The following SLFN14 variants were observed in gnomAD, a reference collection of about 807,000 sequenced individuals.
SLFN14 encodes the protein schlafen family member 14, also known as protein SLFN14.
A neutral mutation model predicts 58.6 loss-of-function variants in SLFN14; 47 were observed. The observed-to-expected ratio is 0.80, with a 90% CI of 0.64 to 1.02. The LOEUF (loss-of-function observed/expected upper bound fraction) is 1.02. Ranked by LOEUF, SLFN14 falls within the 50% of genes least tolerant of loss-of-function variation. The probability of loss-of-function intolerance (pLI) is 0.00; values close to 1 mark genes in which losing one functional copy is unlikely to be tolerated. For missense variants in SLFN14, 967 were observed against 1,078.4 expected (o/e 0.90, Z 1.45); for synonymous variants, 390 against 387.3 (o/e 1.01, Z -0.08).
In SLFN14 at chr17:35,547,991, G is replaced by A; in HGVS notation, c.*248C>T. ...GATGGATGACAGCTGGATTGAGTGG[G>A]AAAGCTGGAGACAGGGGACTAATGA... On this transcript the variant is annotated 3_prime_UTR_variant, in exon 6 of 6. Transcript: ENST00000674182. 1 of 504,956 alleles carries A rather than the reference G, an allele frequency of 2.0e-6. No individual in the cohort carries two copies. The highest frequency in any genetic ancestry group is 3.5e-6 in the Non-Finnish European group (1 of 282,524). 31.3% of individuals were successfully genotyped at this position (504,956 alleles called of 1,614,324 possible). A position where few individuals can be genotyped will look rare whatever the true frequency, so the allele number is the denominator to read the frequency against.
Position 35,553,439 on chromosome 17 carries a change from G to T in SLFN14, c.1195C>A (p.Gln399Lys), listed in dbSNP as rs919934942. The T allele has an allele frequency of 1.4e-5, 21 of 1,531,824 alleles. No individual in the cohort carries two copies. Among genetic ancestry groups the T allele is most frequent in the Middle Eastern group, 3.4e-4 (2 of 5,906 alleles). The allele number at this position is 1,531,824 out of a possible 1,614,324, so 94.9% of individuals were successfully genotyped here. A position where few individuals can be genotyped will look rare whatever the true frequency, so the allele number is the denominator to read the frequency against. ...TCTGGTTTAAATTGTACCTCTTCCT[G>T]TGTCACTGAAAATTCAAGGAATAGA... is the stretch of plus-strand genomic sequence containing the variant. ...ALQRHLFPVT[Q>K]EEVQFKPESL... Residue 399 changes from glutamine (Q) to lysine (K), a missense_variant, in exon 5 of 6, where the codon CAG (glutamine) becomes AAG (lysine). Physicochemically the swap from Gln to Lys is moderately conservative, Grantham distance 53 (BLOSUM62 1). Coordinates refer to ENST00000674182, the MANE Select transcript of SLFN14 (RefSeq NM_001129820.2).
At chr17:35,549,167 A>C in intron 5 of SLFN14, 94 bp from the exon 6 acceptor site, 4 of 962,138 alleles carry the variant, frequency 4.2e-6, no homozygotes, top group Non-Finnish European at 6.2e-6. Flanking sequence ...GCTGATTCTC[A>C]TCTGCAGGCT....
intron 5 of SLFN14, among the ~76,000 whole-genome samples, chr17:35,551,721 C>T (rs559810905): frequency 3.9e-5 from 6 of 152,284 alleles, no homozygotes; most frequent in South Asian, 4.1e-4. Context: ...ACTTGCTAGC[C>T]GCCGAAAGAG....
chr17:35,545,366 C>T lies in SLFN14; in HGVS notation c.*2873G>A, dbSNP rs2072526271. Among the ~76,000 whole-genome samples the T allele has an allele frequency of 6.6e-6, 1 of 152,178 alleles. No homozygotes were observed. Among genetic ancestry groups the T allele is most frequent in the Admixed American group, 6.5e-5 (1 of 15,274 alleles). ...AGGGGAAATAAGGATGTGTAAGTGACTCATCCTCTTACTCTCAAGGAGCTC... is the reference window on the plus strand; with the variant it reads ...AGGGGAAATAAGGATGTGTAAGTGATTCATCCTCTTACTCTCAAGGAGCTC... On this transcript the variant is annotated 3_prime_UTR_variant, in exon 6 of 6. Coordinates refer to ENST00000674182, the MANE Select transcript of SLFN14 (RefSeq NM_001129820.2).
rs573862627 is a variant in SLFN14, at chr17:35,548,971, G to C, written c.2007C>G (p.Ser669Arg). The change falls in exon 6 of 6, where the codon AGC becomes AGG. Residue 669 changes from serine (S) to arginine (R), a missense_variant. Transcript: ENST00000674182. The stretch of plus-strand genomic sequence containing the variant: ...CCTTCATGTACCAATTGCCATATTT[G>C]CTGCAGAAATTCTCAGTCTCATCCA... ...IVMDETENFC[S>R]KYGNWYMKAK... 325 of 1,551,658 alleles carry C rather than the reference G, an allele frequency of 2.1e-4. 7 individuals are homozygous for C. In the South Asian group the frequency reaches 3.4e-3, roughly 16 times the overall value.
At chr17:35,549,528 C>A (rs2072565552) in intron 5 of SLFN14, among the ~76,000 whole-genome samples, 1 of 152,198 alleles carries the variant, frequency 6.6e-6, no homozygotes. Flanking sequence ...AGTTCAAATT[C>A]CTCTAAAGCT....
chr17:35,546,733 A>G lies in SLFN14; in HGVS notation c.*1506T>C, dbSNP rs561752325. Among the ~76,000 whole-genome samples, 1 of 152,362 alleles carries G rather than the reference A, an allele frequency of 6.6e-6. No homozygotes were observed. Among genetic ancestry groups the G allele is most frequent in the East Asian group, 1.9e-4 (1 of 5,192 alleles). ...TCTAATATGTATCATATACATTGGAAAGTTTCACTTAGGGAGATAATAAAA... is the reference window on the plus strand; with the variant it reads ...TCTAATATGTATCATATACATTGGAGAGTTTCACTTAGGGAGATAATAAAA... On this transcript the variant is annotated 3_prime_UTR_variant, in exon 6 of 6. Transcript: ENST00000674182.
chr17:35,545,255 A>C lies in SLFN14; in HGVS notation c.*2984T>G, dbSNP rs1164714671. Among the ~76,000 whole-genome samples the C allele has an allele frequency of 6.6e-6, 1 of 152,196 alleles. No homozygotes were observed. On this transcript the variant is annotated 3_prime_UTR_variant, in exon 6 of 6. Coordinates refer to ENST00000674182, the MANE Select transcript of SLFN14 (RefSeq NM_001129820.2). ...ATACTATCGAATTGAATCATTGTAG[A>C]TTCTAGTTTTCTAAAAGCTACAAGT... is the stretch of plus-strand genomic sequence containing the variant.
chr17:35,551,622 C>T (rs1008821251), intron 5 of SLFN14, among the ~76,000 whole-genome samples: 2 of 152,138 alleles, frequency 1.3e-5, no homozygotes, highest in African/African-American at 4.8e-5. Context: ...TAAATGGTGA[C>T]ATGGAACGGG....
At chr17:35,556,469 C>T (rs979785409) in intron 3 of SLFN14, among the ~76,000 whole-genome samples, 3 of 152,098 alleles carry the variant, frequency 2.0e-5, no homozygotes, top group African/African-American at 7.2e-5. Flanking sequence ...TTGCTGATGG[C>T]ATACTGTAAC....
Position 35,557,325 on chromosome 17 carries a change from C to T in SLFN14, c.738G>A (p.Gly246=). ...ANTQGGYVLI[G]VDDKSKEVVG... ...CCACTTCTTTGCTCTTATCATCCAC[C>T]CCAATGAGGACATATCCCCCTTGAG... Residue 246 remains glycine, a synonymous_variant, in exon 3 of 6, where the codon GGG becomes GGA. Coordinates refer to ENST00000674182, the MANE Select transcript of SLFN14 (RefSeq NM_001129820.2). 2 of 1,551,662 alleles carry T rather than the reference C, an allele frequency of 1.3e-6. No homozygotes were observed. Among genetic ancestry groups the T allele is most frequent in the Non-Finnish European group, 1.7e-6 (2 of 1,146,980 alleles).
intron 1 of SLFN14, among the ~76,000 whole-genome samples, chr17:35,560,264 T>A (rs2072687740): frequency 6.6e-6 from 1 of 152,264 alleles, no homozygotes; most frequent in South Asian, 2.1e-4. Context: ...ATAACAATTA[T>A]GATAAATACA....
Position 35,546,879 on chromosome 17 carries a change from C to T in SLFN14, c.*1360G>A, listed in dbSNP as rs1364747847. Among the ~76,000 whole-genome samples the T allele has an allele frequency of 6.6e-6, 1 of 152,078 alleles. No individual in the cohort carries two copies. The highest frequency in any genetic ancestry group is 2.4e-5 in the African/African-American group (1 of 41,380). On this transcript the variant is annotated 3_prime_UTR_variant, in exon 6 of 6. Coordinates refer to ENST00000674182, the MANE Select transcript of SLFN14 (RefSeq NM_001129820.2). ...AATGGCACAGGCACAGACCAGGAGTCGGGGATGTGTGTGGGTGGTGTTGGT... is the reference window on the plus strand; with the variant it reads ...AATGGCACAGGCACAGACCAGGAGTTGGGGATGTGTGTGGGTGGTGTTGGT...
In SLFN14 at chr17:35,544,688, C is replaced by T. The variant is rs943956214; in HGVS notation, c.*3551G>A. ...GGATTACAGGCATGCGCCACCATGC[C>T]CAGCTAATTTTGTATTTTTAGTGGA... On this transcript the variant is annotated 3_prime_UTR_variant, in exon 6 of 6. Coordinates refer to ENST00000674182, the MANE Select transcript of SLFN14 (RefSeq NM_001129820.2). Among the ~76,000 whole-genome samples the T allele has an allele frequency of 6.6e-6, 1 of 152,004 alleles. No individual in the cohort carries two copies. Among genetic ancestry groups the T allele is most frequent in the African/African-American group, 2.4e-5 (1 of 41,388 alleles).
At position 35,552,923 on chromosome 17, in the gene SLFN14, G is replaced by A. The variant is rs1299328471; in HGVS notation, c.1711C>T (p.Leu571Phe). The change falls in exon 5 of 6, where the codon CTC becomes TTC. Residue 571 changes from leucine to phenylalanine, a missense_variant. Transcript: ENST00000674182. ...AGCAACTGGCTCTGCTCCATTATGA[G>A]CAAGTTGAAAAATTCACAGCCCATC... ...DQMGCEFFNLLIMEQSQLLSE... is the reference protein window; with the variant it reads ...DQMGCEFFNLFIMEQSQLLSE... 8 of 1,551,420 alleles carry A rather than the reference G, an allele frequency of 5.2e-6. No individual in the cohort carries two copies. Among genetic ancestry groups the A allele is most frequent in the East Asian group, 2.4e-5 (1 of 40,922 alleles).
rs1384714345 is a variant in SLFN14 at position 35,557,020 on chromosome 17, A to G, written c.1043T>C (p.Met348Thr). The G allele has an allele frequency of 6.4e-7, 1 of 1,551,346 alleles. No individual in the cohort carries two copies. The highest frequency in any genetic ancestry group is 2.0e-5 in the Admixed American group (1 of 50,980). Reference protein sequence around the residue: ...RLTAEQWVVMMLDTQSAPPSL... With the variant: ...RLTAEQWVVMTLDTQSAPPSL... ...CCCTTTACCTGACTGAGTATCCAGC[A>G]TCATGACCACCCACTGCTCAGCTGT... Residue 348 changes from methionine to threonine, a missense_variant, in exon 3 of 6, where the codon ATG becomes ACG. Coordinates refer to ENST00000674182, the MANE Select transcript of SLFN14 (RefSeq NM_001129820.2).
rs561737318 is a variant in SLFN14, at chr17:35,553,484, AG to A, written c.1190-41del. The A allele has an allele frequency of 1.9e-4, 281 of 1,441,966 alleles. No homozygotes were observed. The East Asian group carries it at 5.6e-3, about 29-fold the overall frequency. 89.3% of individuals were successfully genotyped at this position (1,441,966 alleles called of 1,614,324 possible). Reference sequence around the variant, plus strand: ...AATAGATGTTACCAAAACTTACAAAAGCATGTGGTAAGTATTCCTGCAACGT... The same window carrying A: ...AATAGATGTTACCAAAACTTACAAAACATGTGGTAAGTATTCCTGCAACGT... On this transcript the variant is annotated intron_variant, in intron 4 of 5. Transcript: ENST00000674182.
At chr17:35,551,527 G>T (rs1027664786) in intron 5 of SLFN14, among the ~76,000 whole-genome samples, 1 of 152,096 alleles carries the variant, frequency 6.6e-6, no homozygotes, top group Non-Finnish European at 1.5e-5. Flanking sequence ...TTTTGTTATC[G>T]GAGCAGGAGT....
In SLFN14 at chr17:35,548,109, T is replaced by C. The variant is rs1390232761; in HGVS notation, c.*130A>G. 1.1e-6 allele frequency: 1 copy of C among 897,168 alleles called. No homozygotes were observed. The highest frequency in any genetic ancestry group is 1.6e-6 in the Non-Finnish European group (1 of 607,594). 55.6% of individuals were successfully genotyped at this position (897,168 alleles called of 1,614,324 possible). A position where few individuals can be genotyped will look rare whatever the true frequency, so the allele number is the denominator to read the frequency against. ...GTGGAAGGCTCAGCTCCAAGAGACA[T>C]TTCTGTGGCTCCAGGCCATACTGAT... is the stretch of plus-strand genomic sequence containing the variant. On this transcript the variant is annotated 3_prime_UTR_variant, in exon 6 of 6. Coordinates refer to ENST00000674182, the MANE Select transcript of SLFN14 (RefSeq NM_001129820.2).
Sources: gnomAD v4.1 joint callset for allele counts (sites outside exome capture counted in the v4.1 genomes callset) on GRCh38, gnomAD v4.1.1 for gene constraint, MANE v1.5 for transcripts, NCBI Gene and HGNC (gene_info 2026-07-23, HGNC 2026-07-21) for gene names.